Variants in LRRC8B observed in about 807,000 individuals in gnomAD.
LRRC8B encodes leucine rich repeat containing 8 VRAC subunit B, also known as volume-regulated anion channel subunit LRRC8B.
LRRC8B carries 23 observed loss-of-function variants against 58.8 expected under a neutral mutation model. That is an observed-to-expected ratio of 0.39 (90% CI 0.28 to 0.55). The LOEUF (loss-of-function observed/expected upper bound fraction) is 0.55. Ranked by LOEUF, LRRC8B falls within the 20% of genes least tolerant of loss-of-function variation. The pLI is 0.62. For missense variants in LRRC8B, 694 were observed against 936.0 expected (o/e 0.74, Z 3.37); for synonymous variants, 359 against 374.1 (o/e 0.96, Z 0.47).
intron 1 of LRRC8B, among the ~76,000 whole-genome samples, chr1:89,531,963 G>T (rs1470495074): frequency 6.6e-6 from 1 of 152,086 alleles, no homozygotes; most frequent in Non-Finnish European, 1.5e-5. Context: ...GAATGACCTT[G>T]TAACTTGGAC....
rs1334072031 is a variant in LRRC8B, at chr1:89,553,043, T to G, written c.-240-15204T>G. 2.0e-5 allele frequency among the ~76,000 whole-genome samples: 3 copies of G among 152,338 alleles called. No homozygotes were observed. The East Asian group carries it at 5.8e-4, about 29-fold the overall frequency. The stretch of plus-strand genomic sequence containing the variant: ...ACACAAGCCTGTTGCTGGGAAATAT[T>G]TGAATAAAATGTTTATGAGAGAAGA... On this transcript the variant is annotated intron_variant, in intron 1 of 5. Coordinates refer to ENST00000330947, the MANE Select transcript of LRRC8B (RefSeq NM_001369817.2).
At chr1:89,528,505 A>G (rs754981012) in intron 1 of LRRC8B, among the ~76,000 whole-genome samples, 4 of 152,256 alleles carry the variant, frequency 2.6e-5, no homozygotes, top group African/African-American at 4.8e-5. Context: ...AACAAACTTC[A>G]TAGACTGACA....
At chr1:89,578,090 A>G (rs530588070) in intron 3 of LRRC8B, among the ~76,000 whole-genome samples, 2 of 152,352 alleles carry the variant, frequency 1.3e-5, no homozygotes, top group South Asian at 4.1e-4. Flanking sequence ...GCATATAAAC[A>G]TAAAGAGTAA....
intron 1 of LRRC8B, among the ~76,000 whole-genome samples, chr1:89,562,618 G>T (rs752924075): frequency 6.6e-6 from 1 of 152,010 alleles, no homozygotes; most frequent in Non-Finnish European, 1.5e-5. Flanking sequence ...GTACAGGCAG[G>T]CGCCACTATG....
chr1:89,580,232 G>A (rs1384438981), intron 4 of LRRC8B, among the ~76,000 whole-genome samples: 2 of 152,144 alleles, frequency 1.3e-5, no homozygotes, highest in South Asian at 2.1e-4. Flanking sequence ...TGTAGGAAAC[G>A]GTTTAGAAAC....
intron 1 of LRRC8B, among the ~76,000 whole-genome samples, chr1:89,552,726 C>T (rs1198095095): frequency 6.6e-6 from 1 of 152,102 alleles, no homozygotes; most frequent in Non-Finnish European, 1.5e-5. Flanking sequence ...ATTGCTTAAC[C>T]CTGCTCCCTG....
At chr1:89,532,673 G>A (rs942433958) in intron 1 of LRRC8B, among the ~76,000 whole-genome samples, 13 of 152,292 alleles carry the variant, frequency 8.5e-5, no homozygotes, top group African/African-American at 2.6e-4. Flanking sequence ...GCAGAACTGC[G>A]AGTCATTTAA....
intron 1 of LRRC8B, among the ~76,000 whole-genome samples, chr1:89,549,155 A>G (rs977634389): frequency 6.6e-5 from 10 of 152,204 alleles, no homozygotes; most frequent in African/African-American, 2.4e-4. Flanking sequence ...GTGATAAACA[A>G]CATAAGTATA....
intron 1 of LRRC8B, among the ~76,000 whole-genome samples, chr1:89,529,106 C>T (rs1649916499): frequency 6.6e-6 from 1 of 152,154 alleles, no homozygotes; most frequent in African/African-American, 2.4e-5. Context: ...CTAGTATTGT[C>T]TTTCTCACAG....
intron 3 of LRRC8B, among the ~76,000 whole-genome samples, chr1:89,569,775 A>G (rs1292306173): frequency 2.0e-5 from 3 of 151,912 alleles, no homozygotes; most frequent in African/African-American, 4.8e-5. Context: ...TATTTGTGTC[A>G]TGGGGGTTTG....
chr1:89,577,451 T>C (rs1004132495), intron 3 of LRRC8B, among the ~76,000 whole-genome samples: 4 of 152,210 alleles, frequency 2.6e-5, no homozygotes, highest in African/African-American at 9.6e-5. Context: ...TCCATTACTC[T>C]TAACATTTCT....
Position 89,583,146 on chromosome 1 carries a change from A to G in LRRC8B, c.496A>G (p.Thr166Ala). The change falls in exon 5 of 6, where the codon ACC (threonine) becomes GCC (alanine). Residue 166 changes from threonine (T) to alanine (A), a missense_variant. Around this residue, in one of 5 missense-constraint regions of LRRC8B, gnomAD observed 316 missense variants for 403.8 expected, o/e 0.78. Coordinates refer to ENST00000330947, the MANE Select transcript of LRRC8B (RefSeq NM_001369817.2). This position sits in a 1 kb window ranked among gnomAD's most constrained non-coding sequence, Gnocchi z 5.2. Reference sequence around the variant, plus strand: ...CAAGTGCTTCGATTCTCCATGGACCACCCGCGCCCTTTCAGAAACAGTGGC... The same window carrying G: ...CAAGTGCTTCGATTCTCCATGGACCGCCCGCGCCCTTTCAGAAACAGTGGC... ...LHKCFDSPWT[T>A]RALSETVAEQ... 6 of 1,614,148 alleles carry G rather than the reference A, an allele frequency of 3.7e-6. No homozygotes were observed. The highest frequency in any genetic ancestry group is 5.1e-6 in the Non-Finnish European group (6 of 1,180,044).
Position 89,591,000 on chromosome 1 carries a change from C to T in LRRC8B, c.2140-1771C>T, listed in dbSNP as rs541089743. 9.9e-5 allele frequency among the ~76,000 whole-genome samples: 15 copies of T among 152,278 alleles called. No homozygotes were observed. In the East Asian group the frequency reaches 1.7e-3, roughly 18 times the overall value. On this transcript the variant is annotated intron_variant, in intron 5 of 5. Transcript: ENST00000330947. ...ATGCTGCTAAACATCCTACACTGCA[C>T]AGGACAGCCCCACAGCAAGAATTTT...
At chr1:89,564,918 C>G (rs993764868) in intron 1 of LRRC8B, among the ~76,000 whole-genome samples, 4 of 152,148 alleles carry the variant, frequency 2.6e-5, no homozygotes, top group African/African-American at 9.7e-5. Context: ...AAGCACTAGG[C>G]TGATTTGCAG....
chr1:89,588,499 A>G (rs1267570954), intron 5 of LRRC8B, among the ~76,000 whole-genome samples: 2 of 152,178 alleles, frequency 1.3e-5, no homozygotes, highest in Non-Finnish European at 2.9e-5. Flanking sequence ...TCCACAGAGG[A>G]CTGAAAAAAA....
intron 1 of LRRC8B, among the ~76,000 whole-genome samples, chr1:89,545,114 G>A (rs371472848): frequency 6.6e-6 from 1 of 152,174 alleles, no homozygotes; most frequent in African/African-American, 2.4e-5. Flanking sequence ...TTCCTCCCAG[G>A]GTGAGTTTTC....
intron 1 of LRRC8B, among the ~76,000 whole-genome samples, chr1:89,528,743 A>T (rs1459118815): frequency 6.6e-6 from 1 of 152,228 alleles, no homozygotes; most frequent in African/African-American, 2.4e-5. Context: ...CATATATAAG[A>T]TGAGGCCCTC....
intron 1 of LRRC8B, among the ~76,000 whole-genome samples, chr1:89,538,245 A>G (rs558294506): frequency 7.9e-5 from 12 of 152,230 alleles, no homozygotes; most frequent in Non-Finnish European, 1.5e-5. Context: ...ATGAGCAAGG[A>G]GAACTCTGGC....
Position 89,593,136 on chromosome 1 carries a change from AG to A in LRRC8B, c.*95del, listed in dbSNP as rs1655098981. The stretch of plus-strand genomic sequence containing the variant: ...ATGCCTATAATCCCAGCACTTTGGG[AG>A]GCCAAGATGGGCGGATTGCTTGAGG... On this transcript the variant is annotated 3_prime_UTR_variant, in exon 6 of 6. Coordinates refer to ENST00000330947, the MANE Select transcript of LRRC8B (RefSeq NM_001369817.2). 7.7e-7 allele frequency: 1 copy of A among 1,303,942 alleles called. No homozygotes were observed. The highest frequency in any genetic ancestry group is 1.5e-5 in the African/African-American group (1 of 67,812). The allele number at this position is 1,303,942 out of a possible 1,614,324, so 80.8% of individuals were successfully genotyped here. A position where few individuals can be genotyped will look rare whatever the true frequency, so the allele number is the denominator to read the frequency against.
Sources: allele counts gnomAD v4.1 joint callset (sites outside exome capture counted in the v4.1 genomes callset), GRCh38; gene constraint gnomAD v4.1.1; regional missense constraint gnomAD v4.1.1; non-coding constraint Gnocchi (gnomAD v3.1); transcripts MANE v1.5; gene names NCBI Gene and HGNC (gene_info 2026-07-23, HGNC 2026-07-21).